Variants in RASEF observed in about 807,000 individuals in gnomAD.
RASEF encodes the protein ras and EF-hand domain-containing protein.
A neutral mutation model predicts 90.1 loss-of-function variants in RASEF; 68 were observed. The ratio of observed to expected loss-of-function variants is 0.75; its 90% CI spans 0.62 to 0.92. The LOEUF is 0.92. Among genes scored for constraint, RASEF ranks in the 40% least tolerant of loss-of-function variants. The pLI, the probability that RASEF is intolerant of heterozygous loss-of-function variation, is 0.00. For synonymous variants in RASEF, 331 were observed against 345.2 expected, an observed-to-expected ratio of 0.96 and a Z score of 0.46; for missense variants, 949 against 937.2, an observed-to-expected ratio of 1.01 and a Z score of -0.16.
chr9:83,135,544 G>C, the RASEF span, among the ~76,000 whole-genome samples: 1 of 152,022 alleles, frequency 6.6e-6, no homozygotes, highest in Non-Finnish European at 1.5e-5. Context: ...CTTTAAAAGG[G>C]TGAGTTTTAT....
At chr9:83,055,569 C>T (rs1338649744) in intron 1 of RASEF, 5 of 710,896 alleles carry the variant, frequency 7.0e-6, no homozygotes, top group Non-Finnish European at 1.3e-5. Flanking sequence ...TGGCTCCTCC[C>T]TCCTCGATTG....
intron 1 of RASEF, among the ~76,000 whole-genome samples, chr9:83,038,752 G>T (rs536215051): frequency 6.6e-6 from 1 of 152,214 alleles, no homozygotes; most frequent in South Asian, 2.1e-4. Flanking sequence ...CAATTTGTCA[G>T]ATAATAAAAT....
At chr9:83,134,886 T>G in the RASEF span, among the ~76,000 whole-genome samples, 3 of 152,186 alleles carry the variant, frequency 2.0e-5, no homozygotes, top group Non-Finnish European at 4.4e-5. Context: ...GGTATCTCTA[T>G]ATCATGAAAA....
rs147106800 is a variant in RASEF, at chr9:82,997,782, C to T, written c.1805+583G>A. Among the ~76,000 whole-genome samples, 1,316 of 152,312 alleles carry T rather than the reference C, an allele frequency of 8.6e-3. 21 individuals are homozygous for T. Among genetic ancestry groups the T allele is most frequent in the African/African-American group, 0.03 (1,238 of 41,560 alleles). ...CATGGGGGCAGGTATTTGTGCCTGT[C>T]TGTTCACCACTGAATCTCAGCATGC... On this transcript the variant is annotated intron_variant, in intron 13 of 16. Transcript: ENST00000376447.
At chr9:83,011,422 C>A (rs57166033) in intron 5 of RASEF, among the ~76,000 whole-genome samples, 3,420 of 151,460 alleles carry the variant, frequency 0.023, 130 homozygotes, top group African/African-American at 0.077. Flanking sequence ...CGTGGTGGTG[C>A]GCATCTATAG....
chr9:82,994,386 CTTGACT>C (rs1403822554), intron 14 of RASEF, among the ~76,000 whole-genome samples: 2 of 152,200 alleles, frequency 1.3e-5, no homozygotes, highest in Non-Finnish European at 2.9e-5. Flanking sequence ...TCCTTCAAGT[CTTGACT>C]TAAATATGTC....
chr9:83,142,042 T>C, the RASEF span, among the ~76,000 whole-genome samples: 3 of 152,122 alleles, frequency 2.0e-5, no homozygotes, highest in Non-Finnish European at 4.4e-5. Context: ...AGAGTTGGAG[T>C]CTACAGCTCT....
At chr9:83,049,488 G>A (rs2118677603) in intron 1 of RASEF, among the ~76,000 whole-genome samples, 1 of 142,442 alleles carries the variant, frequency 7.0e-6, no homozygotes, top group Non-Finnish European at 1.5e-5. Flanking sequence ...TTCAGATTAT[G>A]TGAACACATG....
At chr9:83,105,459 G>C in the RASEF span, among the ~76,000 whole-genome samples, 1 of 152,118 alleles carries the variant, frequency 6.6e-6, no homozygotes, top group South Asian at 2.1e-4. Flanking sequence ...AATGTACCTT[G>C]CCTGTCACTC....
the RASEF span, among the ~76,000 whole-genome samples, chr9:83,115,405 A>T: frequency 6.6e-6 from 1 of 152,258 alleles, no homozygotes; most frequent in Non-Finnish European, 1.5e-5. Flanking sequence ...ATCAAAGATA[A>T]GAGTATCAAA....
the RASEF span, among the ~76,000 whole-genome samples, chr9:83,101,627 C>A: frequency 6.6e-6 from 1 of 152,120 alleles, no homozygotes; most frequent in African/African-American, 2.4e-5. Flanking sequence ...ATTCTCTAGG[C>A]ATGTTATCTT....
intron 3 of RASEF, among the ~76,000 whole-genome samples, chr9:83,017,314 T>G (rs1587498058): frequency 1.4e-5 from 2 of 142,950 alleles, no homozygotes. Context: ...TGAAACCTCG[T>G]CTCTACTAAA....
At chr9:83,002,972 C>T (rs1229682590) in intron 9 of RASEF, among the ~76,000 whole-genome samples, 1 of 152,134 alleles carries the variant, frequency 6.6e-6, no homozygotes, top group African/African-American at 2.4e-5. Flanking sequence ...TCAAAGTCAA[C>T]CATCTTGCCA....
At chr9:83,156,922 C>T in the RASEF span, among the ~76,000 whole-genome samples, 1 of 152,192 alleles carries the variant, frequency 6.6e-6, no homozygotes, top group Admixed American at 6.5e-5. Context: ...CACATGGATA[C>T]ATTTTAAATA....
the RASEF span, among the ~76,000 whole-genome samples, chr9:83,144,132 T>C: frequency 3.1e-4 from 47 of 151,304 alleles, no homozygotes; most frequent in Non-Finnish European, 5.6e-4. Context: ...ATGGCAACAA[T>C]AGACACTGTG....
At chr9:83,048,370 C>A (rs1829970749) in intron 1 of RASEF, 4 of 985,264 alleles carry the variant, frequency 4.1e-6, no homozygotes, top group Non-Finnish European at 4.8e-6. Context: ...CCACTGAGAT[C>A]TGGACCCAGG....
chr9:83,208,695 G>C, the RASEF span, among the ~76,000 whole-genome samples: 1 of 152,100 alleles, frequency 6.6e-6, no homozygotes, highest in Non-Finnish European at 1.5e-5. Flanking sequence ...CCACAAGACC[G>C]ATAGCCAGGA....
chr9:83,000,665 A>C (rs1328926603), intron 10 of RASEF, 95 bp from the exon 11 acceptor site: 2 of 1,168,716 alleles, frequency 1.7e-6, no homozygotes, highest in Non-Finnish European at 2.4e-6. Flanking sequence ...AAAAGAAGAA[A>C]ACTATGCAGC....
At chr9:83,043,212 A>G (rs940007761) in intron 1 of RASEF, among the ~76,000 whole-genome samples, 25 of 152,232 alleles carry the variant, frequency 1.6e-4, no homozygotes, top group African/African-American at 5.8e-4. Flanking sequence ...AAACTGGATA[A>G]ATCAATTGCG....
Sources: gnomAD v4.1 joint callset for allele counts (sites outside exome capture counted in the v4.1 genomes callset) on GRCh38, gnomAD v4.1.1 for gene constraint, MANE v1.5 for transcripts, NCBI Gene and HGNC (gene_info 2026-07-23, HGNC 2026-07-21) for gene names.